PNLIPRP1: variants seen among roughly 807,000 people sequenced by gnomAD.
The protein encoded by PNLIPRP1 is pancreatic lipase related protein 1, also known as inactive pancreatic lipase-related protein 1.
In PNLIPRP1, 57 loss-of-function variants were observed where a neutral mutation model predicts 54.6. The ratio of observed to expected loss-of-function variants is 1.04; its 90% CI spans 0.84 to 1.30. The LOEUF (loss-of-function observed/expected upper bound fraction) is 1.30. Ranked by LOEUF, PNLIPRP1 falls within the 50% of genes most tolerant of loss-of-function variation. The pLI is 0.00. For missense variants in PNLIPRP1, 567 were observed against 568.5 expected, an observed-to-expected ratio of 1.00 and a Z score of 0.03; for synonymous variants, 232 against 208.8, an observed-to-expected ratio of 1.11 and a Z score of -0.96.
At chr10:116,594,654 C>T in intron 4 of PNLIPRP1, 76 bp from the exon 5 acceptor site, 1 of 1,535,344 alleles carries the variant, frequency 6.5e-7, no homozygotes, top group Non-Finnish European at 9.0e-7. Context: ...GAGAAGTGGC[C>T]ATTTCTGAGC....
chr10:116,592,002 C>A, intron 3 of PNLIPRP1, 77 bp downstream of exon 3: 2 of 1,469,084 alleles, frequency 1.4e-6, no homozygotes, highest in East Asian at 2.3e-5. Flanking sequence ...AATACCTTAT[C>A]TCTGTGCCCT....
At chr10:116,596,424 C>T in intron 6 of PNLIPRP1, 102 bp downstream of exon 6, 1 of 716,282 alleles carries the variant, frequency 1.4e-6, no homozygotes, top group East Asian at 2.5e-5. Flanking sequence ...GAGACTGTCC[C>T]CCTTGGCTGT....
Position 116,598,125 on chromosome 10 carries a change from A to G in PNLIPRP1, c.773A>G (p.Asn258Ser). The stretch of plus-strand genomic sequence containing the variant: ...GAGAGCATGCCGGGATGCAAGAAGA[A>G]TGCCCTGTCTCAGATCGTGGATCTA... The part of the protein sequence containing the change: ...GGESMPGCKK[N>S]ALSQIVDLDG... Residue 258 changes from asparagine (N) to serine (S), a missense_variant, in exon 8 of 13, where the codon AAT becomes AGT. By Grantham distance (46) the Asn-to-Ser change is conservative. Transcript: ENST00000358834. 6.2e-7 allele frequency: 1 copy of G among 1,614,144 alleles called. No individual in the cohort carries two copies. The highest frequency in any genetic ancestry group is 8.5e-7 in the Non-Finnish European group (1 of 1,180,004).
chr10:116,594,710 C>G lies in PNLIPRP1; in HGVS notation c.331-20C>G. ...CCTGCTCCCATTATCTCCCCAACCC[C>G]ACTATCTCCCCAACACCAGAAACTG... On this transcript the variant is annotated intron_variant, in intron 4 of 12. Coordinates refer to ENST00000358834, the MANE Select transcript of PNLIPRP1 (RefSeq NM_006229.4). 5 of 1,613,966 alleles carry G rather than the reference C, an allele frequency of 3.1e-6. No homozygotes were observed. Among genetic ancestry groups the G allele is most frequent in the Non-Finnish European group, 3.4e-6 (4 of 1,179,900 alleles).
chr10:116,594,574 G>A (rs1372615801), intron 4 of PNLIPRP1, 156 bp from the exon 5 acceptor site: 1 of 783,024 alleles, frequency 1.3e-6, no homozygotes, highest in African/African-American at 1.7e-5. Flanking sequence ...CACCCTGAAG[G>A]ATAACTCCTA....
intron 11 of PNLIPRP1, among the ~76,000 whole-genome samples, chr10:116,604,458 A>G (rs782714008): frequency 2.6e-5 from 4 of 152,206 alleles, no homozygotes; most frequent in Non-Finnish European, 4.4e-5. Flanking sequence ...AGGCTGTACC[A>G]TACAGCCTAG....
Position 116,591,126 on chromosome 10 carries a change from G to A in PNLIPRP1, c.1-4G>A. On this transcript the variant is annotated splice_region_variant and splice_polypyrimidine_tract_variant and intron_variant, in intron 1 of 12. Coordinates refer to ENST00000358834, the MANE Select transcript of PNLIPRP1 (RefSeq NM_006229.4). The stretch of plus-strand genomic sequence containing the variant: ...AGACTGAATTATGTTTAAATTTATT[G>A]TAGATGCTGATCTTCTGGACAATCA... The A allele has an allele frequency of 6.2e-7, 1 of 1,612,910 alleles. No individual in the cohort carries two copies. Among genetic ancestry groups the A allele is most frequent in the Non-Finnish European group, 8.5e-7 (1 of 1,179,322 alleles).
chr10:116,596,909 T>C (rs1432020458), intron 6 of PNLIPRP1, among the ~76,000 whole-genome samples: 1 of 152,176 alleles, frequency 6.6e-6, no homozygotes, highest in Non-Finnish European at 1.5e-5. Context: ...AAGCATAGAT[T>C]AAGTGCCTGC....
At chr10:116,593,354 C>T (rs1028304010) in intron 4 of PNLIPRP1, among the ~76,000 whole-genome samples, 1 of 152,036 alleles carries the variant, frequency 6.6e-6, no homozygotes, top group African/African-American at 2.4e-5. Context: ...CATGTGCGTG[C>T]AATATACCAC....
intron 10 of PNLIPRP1, among the ~76,000 whole-genome samples, chr10:116,602,821 TTATGTA>T (rs1328325859): frequency 6.6e-6 from 1 of 152,224 alleles, no homozygotes; most frequent in Non-Finnish European, 1.5e-5. Context: ...GTCTGTATGT[TTATGTA>T]TATGTATGTG....
rs1352163080 is a variant in PNLIPRP1, at chr10:116,596,433, G to A, written c.574+111G>A. 6 of 683,484 alleles carry A rather than the reference G, an allele frequency of 8.8e-6. No homozygotes were observed. The African/African-American group carries it at 9.0e-5, about 10-fold the overall frequency. The allele number at this position is 683,484 out of a possible 1,614,324, so 42.3% of individuals were successfully genotyped here. A position where few individuals can be genotyped will look rare whatever the true frequency, so the allele number is the denominator to read the frequency against. On this transcript the variant is annotated intron_variant, in intron 6 of 12. Transcript: ENST00000358834. Reference sequence around the variant, plus strand: ...CTGAAGGAGACTGTCCCCCTTGGCTGTGATAGAGCTGCTTGGAGCCTGCAC... The same window carrying A: ...CTGAAGGAGACTGTCCCCCTTGGCTATGATAGAGCTGCTTGGAGCCTGCAC...
rs560605400 is a variant in PNLIPRP1, at chr10:116,603,414, A to T, written c.1064-616A>T. 1.7e-4 allele frequency among the ~76,000 whole-genome samples: 26 copies of T among 152,308 alleles called. 1 individual carries two copies. The highest frequency in any genetic ancestry group is 6.0e-4 in the African/African-American group (25 of 41,544). ...CATTAGCCTCATGTGGCAACTTAAC[A>T]TTTGCAACACAGCGAATGAGTTTGA... On this transcript the variant is annotated intron_variant, in intron 10 of 12. Coordinates refer to ENST00000358834, the MANE Select transcript of PNLIPRP1 (RefSeq NM_006229.4).
chr10:116,599,402 C>T (rs927654134), intron 8 of PNLIPRP1, among the ~76,000 whole-genome samples: 4 of 152,150 alleles, frequency 2.6e-5, no homozygotes, highest in Non-Finnish European at 1.5e-5. Context: ...CCAGCAAGCT[C>T]AGGCCAGGTC....
At chr10:116,595,060 G>A (rs1461318250) in intron 5 of PNLIPRP1, 196 bp downstream of exon 5, 1 of 613,760 alleles carries the variant, frequency 1.6e-6, no homozygotes, top group Non-Finnish European at 2.7e-6. Flanking sequence ...CACTTAGAAA[G>A]TGGTTTTTTA....
intron 9 of PNLIPRP1, among the ~76,000 whole-genome samples, chr10:116,600,799 A>C (rs538349032): frequency 6.6e-6 from 1 of 152,324 alleles, no homozygotes; most frequent in East Asian, 1.9e-4. Flanking sequence ...CTTATCATTC[A>C]CCAGCTCCAC....
At position 116,596,329 on chromosome 10, in the gene PNLIPRP1, C is replaced by T; in HGVS notation, c.574+7C>T. On this transcript the variant is annotated splice_region_variant and intron_variant, in intron 6 of 12. Transcript: ENST00000358834. Reference sequence around the variant, plus strand: ...GGCCTGAGCAGGATTACAGGTAAGGCCCCAGAGGCAGGGCCCCAGTTTTGT... The same window carrying T: ...GGCCTGAGCAGGATTACAGGTAAGGTCCCAGAGGCAGGGCCCCAGTTTTGT... The T allele has an allele frequency of 6.4e-7, 1 of 1,569,232 alleles. No individual in the cohort carries two copies. The highest frequency in any genetic ancestry group is 1.1e-5 in the South Asian group (1 of 89,522).
At chr10:116,595,130 T>G in intron 5 of PNLIPRP1, 1 of 433,624 alleles carries the variant, frequency 2.3e-6, no homozygotes, top group Non-Finnish European at 4.2e-6. Flanking sequence ...ACTAGTTTGC[T>G]CCCAAAGTCA....
chr10:116,605,040 C>A (rs1847914822), intron 11 of PNLIPRP1, among the ~76,000 whole-genome samples: 1 of 152,112 alleles, frequency 6.6e-6, no homozygotes, highest in Non-Finnish European at 1.5e-5. Context: ...AATATTACTT[C>A]AGATATGCTG....
intron 10 of PNLIPRP1, among the ~76,000 whole-genome samples, chr10:116,601,679 G>C (rs1457134965): frequency 1.3e-5 from 2 of 152,156 alleles, no homozygotes; most frequent in Admixed American, 6.5e-5. Context: ...GTGGAGTGCA[G>C]GCAGGAATCA....
Sources: gnomAD v4.1 joint callset for allele counts (sites outside exome capture counted in the v4.1 genomes callset) on GRCh38, gnomAD v4.1.1 for gene constraint, MANE v1.5 for transcripts, NCBI Gene and HGNC (gene_info 2026-07-23, HGNC 2026-07-21) for gene names.